Variants in YJU2 observed in about 807,000 individuals in gnomAD.
YJU2 encodes the protein splicing factor YJU2.
YJU2 carries 28 observed loss-of-function variants against 39.6 expected under a neutral mutation model. The observed-to-expected ratio is 0.71, with a 90% CI of 0.52 to 0.97. The LOEUF (loss-of-function observed/expected upper bound fraction) is 0.97. Ranked by LOEUF, YJU2 falls within the 50% of genes least tolerant of loss-of-function variation. The probability of loss-of-function intolerance (pLI) is 0.00; values close to 1 mark genes in which losing one functional copy is unlikely to be tolerated. For missense variants in YJU2, 328 were observed against 430.4 expected (o/e 0.76, Z 2.11); for synonymous variants, 184 against 182.4 (o/e 1.01, Z -0.07).
At chr19:4,247,436 A>G in intron 1 of YJU2, 1 of 352,044 alleles carries the variant, frequency 2.8e-6, no homozygotes, top group Non-Finnish European at 4.7e-6. Flanking sequence ...ACCACCAGAT[A>G]GGGTTTTTTT....
intron 4 of YJU2, among the ~76,000 whole-genome samples, chr19:4,256,048 C>T (rs8109336): frequency 0.032 from 4,848 of 151,128 alleles, 266 homozygotes; most frequent in African/African-American, 0.11. Context: ...CTGGTGTGCA[C>T]CTGTGGTCCC....
intron 1 of YJU2, among the ~76,000 whole-genome samples, chr19:4,247,582 CGTGTGTGTGTGTGTGTGTGTGTGTGT>C (rs1348900052): frequency 6.6e-4 from 18 of 27,244 alleles, no homozygotes; most frequent in Admixed American, 1.6e-3. Flanking sequence ...TGGGGTGGCG[CGTGTGTGTGTGTGTGTGTGTGTGTGT>C]GTGTGTGTGT....
chr19:4,251,793 C>A (rs867046781), intron 3 of YJU2, among the ~76,000 whole-genome samples: 18 of 151,578 alleles, frequency 1.2e-4, no homozygotes, highest in African/African-American at 3.6e-4. Flanking sequence ...TTGAGACCAG[C>A]CTGGCCAACA....
chr19:4,259,347 G>A (rs1323567451), intron 5 of YJU2, among the ~76,000 whole-genome samples: 2 of 151,844 alleles, frequency 1.3e-5, no homozygotes, highest in Admixed American at 1.3e-4. Context: ...CCAAAGTGCT[G>A]GGATTGCAGG....
intron 1 of YJU2, among the ~76,000 whole-genome samples, chr19:4,248,747 C>T (rs569994436): frequency 4.6e-4 from 70 of 152,196 alleles, no homozygotes; most frequent in Non-Finnish European, 5.6e-4. Flanking sequence ...GGTGAAACCC[C>T]ATCTCTACTA....
chr19:4,256,181 AATATATAT>A (rs1555725229), intron 4 of YJU2, among the ~76,000 whole-genome samples: 4,242 of 125,816 alleles, frequency 0.034, 155 homozygotes, highest in African/African-American at 0.11. Flanking sequence ...AAAAAAAAAA[AATATATAT>A]ATATATATAT....
chr19:4,268,432 TGGGTCCCATC>T (rs1343318802), intron 7 of YJU2, 142 bp from the exon 8 acceptor site: 3 of 596,968 alleles, frequency 5.0e-6, no homozygotes, highest in African/African-American at 1.9e-5. Context: ...AAATCTGCAA[TGGGTCCCATC>T]AGGTGCCATC....
At position 4,247,575 on chromosome 19, in the gene YJU2, G is replaced by T. The variant is rs144429032; in HGVS notation, c.24+405G>T. ...GTGTACTTTGGGTGGGGTGGGGTGGGGTGGCGCGTGTGTGTGTGTGTGTGT... is the reference window on the plus strand; with the variant it reads ...GTGTACTTTGGGTGGGGTGGGGTGGTGTGGCGCGTGTGTGTGTGTGTGTGT... On this transcript the variant is annotated intron_variant, in intron 1 of 7. Transcript: ENST00000262962. Among the ~76,000 whole-genome samples the T allele has an allele frequency of 1.3e-4, 12 of 89,046 alleles. 1 individual carries two copies. The highest frequency in any genetic ancestry group is 5.7e-4 in the African/African-American group (9 of 15,820). The allele number at this position is 89,046 out of a possible 152,430, so 58.4% of individuals were successfully genotyped here. A position where few individuals can be genotyped will look rare whatever the true frequency, so the allele number is the denominator to read the frequency against.
At position 4,269,025 on chromosome 19, in the gene YJU2, C is replaced by A. The variant is rs1420550388; in HGVS notation, c.*329C>A. The A allele has an allele frequency of 3.2e-6, 1 of 316,874 alleles. No individual in the cohort carries two copies. Among genetic ancestry groups the A allele is most frequent in the South Asian group, 3.9e-5 (1 of 25,318 alleles). The allele number at this position is 316,874 out of a possible 1,614,324, so 19.6% of individuals were successfully genotyped here. ...TGGGGCACTGGGCGAGCCTGCCGGCCTCTAGATGGCCTCATCTCTTCCTTC... is the reference window on the plus strand; with the variant it reads ...TGGGGCACTGGGCGAGCCTGCCGGCATCTAGATGGCCTCATCTCTTCCTTC... On this transcript the variant is annotated 3_prime_UTR_variant, in exon 8 of 8. Coordinates refer to ENST00000262962, the MANE Select transcript of YJU2 (RefSeq NM_018074.6).
chr19:4,255,102 T>C (rs1192982333), intron 4 of YJU2, among the ~76,000 whole-genome samples: 3 of 141,786 alleles, frequency 2.1e-5, no homozygotes, highest in Non-Finnish European at 3.0e-5. Flanking sequence ...CGCATGCCTG[T>C]AATCTCAGCT....
chr19:4,261,392 G>A (rs1466605931), intron 5 of YJU2, among the ~76,000 whole-genome samples: 2 of 152,170 alleles, frequency 1.3e-5, no homozygotes, highest in East Asian at 3.8e-4. Flanking sequence ...TCGGTAGGCT[G>A]AGGCTGGAGA....
intron 1 of YJU2, among the ~76,000 whole-genome samples, chr19:4,248,574 T>G (rs576432299): frequency 6.6e-6 from 1 of 152,218 alleles, no homozygotes; most frequent in South Asian, 2.1e-4. Flanking sequence ...TTGGGACTCC[T>G]CGGGGAACTC....
Position 4,268,629 on chromosome 19 carries a change from C to T in YJU2, c.905C>T (p.Pro302Leu), listed in dbSNP as rs759563960. 4.3e-6 allele frequency: 7 copies of T among 1,613,788 alleles called. No homozygotes were observed. In the South Asian group the frequency reaches 7.7e-5, roughly 18 times the overall value. Reference sequence around the variant, plus strand: ...GAGGCCAACCCTACACCCCTGACGCCTGGCGCGTCCTCCCTGAGCCAACTG... The same window carrying T: ...GAGGCCAACCCTACACCCCTGACGCTTGGCGCGTCCTCCCTGAGCCAACTG... ...RKEANPTPLT[P>L]GASSLSQLGA... The change falls in exon 8 of 8, where the codon CCT (proline) becomes CTT (leucine). Residue 302 changes from proline to leucine, a missense_variant. Around this residue, in one of 2 missense-constraint regions of YJU2, gnomAD observed 244 missense variants for 264.6 expected, o/e 0.92. Transcript: ENST00000262962.
At position 4,268,585 on chromosome 19, in the gene YJU2, A is replaced by G. The variant is rs763765444; in HGVS notation, c.861A>G (p.Gly287=). ...NGQPQAAPTP[G]APQNRKEANP... is the part of the protein sequence containing the mutation. ...AGCTAACTCTCGCTCTCCCACCAGGAGCCCCGCAGAACAGGAAGGAGGCCA... is the reference window on the plus strand; with the variant it reads ...AGCTAACTCTCGCTCTCCCACCAGGGGCCCCGCAGAACAGGAAGGAGGCCA... The change falls in exon 8 of 8, where the codon GGA becomes GGG. Residue 287 remains glycine, a splice_region_variant and synonymous_variant. Coordinates refer to ENST00000262962, the MANE Select transcript of YJU2 (RefSeq NM_018074.6). 1 of 1,609,136 alleles carries G rather than the reference A, an allele frequency of 6.2e-7. No individual in the cohort carries two copies. The highest frequency in any genetic ancestry group is 1.3e-5 in the African/African-American group (1 of 74,820).
Position 4,267,781 on chromosome 19 carries a change from TCA to T in YJU2, c.859+10_859+11del, listed in dbSNP as rs1260249623. 1.9e-6 allele frequency: 3 copies of T among 1,609,192 alleles called. No individual in the cohort carries two copies. The highest frequency in any genetic ancestry group is 2.2e-5 in the East Asian group (1 of 44,724). ...CAGGCGGCCCCCACCCCAGGTAAGG[TCA>T]CAGAGTTCCCAGAGCCGGGCGCGGT... is the stretch of plus-strand genomic sequence containing the variant. On this transcript the variant is annotated splice_region_variant and intron_variant, in intron 7 of 7. Transcript: ENST00000262962.
chr19:4,262,948 C>A (rs950300651), intron 6 of YJU2, among the ~76,000 whole-genome samples: 4 of 151,342 alleles, frequency 2.6e-5, no homozygotes, highest in African/African-American at 9.7e-5. Context: ...GTGGCTCACG[C>A]TTGTAATCCC....
chr19:4,250,509 A>T (rs1044641867), intron 2 of YJU2, among the ~76,000 whole-genome samples: 2 of 152,098 alleles, frequency 1.3e-5, no homozygotes, highest in Non-Finnish European at 2.9e-5. Context: ...GTACGGTGAC[A>T]TCAGGCAAAA....
chr19:4,259,315 G>A (rs574287446), intron 5 of YJU2, among the ~76,000 whole-genome samples: 7 of 151,920 alleles, frequency 4.6e-5, no homozygotes, highest in Non-Finnish European at 8.8e-5. Context: ...TCCTGACCTC[G>A]TGATCCGCCC....
chr19:4,265,749 T>C (rs1282673304), intron 6 of YJU2, among the ~76,000 whole-genome samples: 1 of 151,428 alleles, frequency 6.6e-6, no homozygotes, highest in Non-Finnish European at 1.5e-5. Flanking sequence ...CTACCACACC[T>C]GGCTAGGTTT....
Sources: allele counts gnomAD v4.1 joint callset (sites outside exome capture counted in the v4.1 genomes callset), GRCh38; gene constraint gnomAD v4.1.1; regional missense constraint gnomAD v4.1.1; transcripts MANE v1.5; gene names NCBI Gene and HGNC (gene_info 2026-07-23, HGNC 2026-07-21).